AUTS2: variants seen among roughly 807,000 people sequenced by gnomAD.
AUTS2 encodes the protein activator of transcription and developmental regulator AUTS2, also known as autism susceptibility gene 2 protein.
Under a neutral mutation model 112.4 loss-of-function variants are expected in AUTS2, and 17 were observed. That is an observed-to-expected ratio of 0.15 (90% CI 0.10 to 0.23). The LOEUF (loss-of-function observed/expected upper bound fraction) is 0.23. Among genes scored for constraint, AUTS2 ranks in the 10% least tolerant of loss-of-function variants. The pLI is 1.00. For missense variants in AUTS2, 1,510 were observed against 1,701.6 expected (o/e 0.89, Z 1.98); for synonymous variants, 751 against 702.7 (o/e 1.07, Z -1.09).
intron 2 of AUTS2, among the ~76,000 whole-genome samples, chr7:69,990,957 T>C (rs1177139836): frequency 6.6e-6 from 1 of 152,206 alleles, no homozygotes; most frequent in African/African-American, 2.4e-5. Context: ...GCTGAGAGAA[T>C]AGATCTAATC....
intron 15 of AUTS2, 120 bp downstream of exon 15, chr7:70,781,876 C>A: frequency 7.5e-7 from 1 of 1,341,016 alleles, no homozygotes; most frequent in Non-Finnish European, 1.0e-6. Flanking sequence ...ACAGTTAATG[C>A]CAGCTTGCAA....
intron 5 of AUTS2, among the ~76,000 whole-genome samples, chr7:70,510,569 C>T (rs1799141580): frequency 6.6e-6 from 1 of 152,310 alleles, no homozygotes; most frequent in South Asian, 2.1e-4. Flanking sequence ...TTGCCTTTCT[C>T]ACTTACTATC....
At chr7:70,495,778 T>C (rs905428974) in intron 5 of AUTS2, among the ~76,000 whole-genome samples, 1 of 16,024 alleles carries the variant, frequency 6.2e-5, no homozygotes. Flanking sequence ...ACGTACACAG[T>C]CACACACACA....
chr7:70,537,235 C>G (rs1182528413), intron 5 of AUTS2, among the ~76,000 whole-genome samples: 1 of 152,204 alleles, frequency 6.6e-6, no homozygotes, highest in Non-Finnish European at 1.5e-5. Flanking sequence ...CTCCATAAAT[C>G]TGGTGTAAAA....
intron 4 of AUTS2, among the ~76,000 whole-genome samples, chr7:70,186,759 G>A (rs1432541819): frequency 6.6e-6 from 1 of 152,068 alleles, no homozygotes; most frequent in Non-Finnish European, 1.5e-5. Flanking sequence ...TAGTAGAGAT[G>A]AGGTTTCACC....
chr7:70,785,333 GC>G (rs1264423677), intron 16 of AUTS2: 1 of 578,052 alleles, frequency 1.7e-6, no homozygotes, highest in Non-Finnish European at 3.3e-6. Flanking sequence ...GCCTGTTCCT[GC>G]CCATTGGAAG....
At chr7:70,354,517 A>C (rs1426361725) in intron 4 of AUTS2, among the ~76,000 whole-genome samples, 2 of 152,188 alleles carry the variant, frequency 1.3e-5, no homozygotes, top group Non-Finnish European at 2.9e-5. Context: ...GTAAAGTCTT[A>C]TTATTATTCC....
chr7:70,110,535 C>A lies in AUTS2; in HGVS notation c.523-7597C>A, dbSNP rs1298546766. On this transcript the variant is annotated intron_variant, in intron 2 of 18. Transcript: ENST00000342771. ...CCATCTCAAAAAATAAATAAATAAA[C>A]AAATAAATAAATAAATTATTAACTT... is the stretch of plus-strand genomic sequence containing the variant. 3.3e-5 allele frequency among the ~76,000 whole-genome samples: 5 copies of A among 152,074 alleles called. No homozygotes were observed. The East Asian group carries it at 5.8e-4, about 18-fold the overall frequency.
chr7:69,761,957 C>A (rs2129287079), intron 1 of AUTS2, among the ~76,000 whole-genome samples: 1 of 152,200 alleles, frequency 6.6e-6, no homozygotes, highest in South Asian at 2.1e-4. Flanking sequence ...TTATTGGGTA[C>A]CTACTATATG....
intron 6 of AUTS2, among the ~76,000 whole-genome samples, chr7:70,759,010 T>G (rs1332491895): frequency 1.3e-5 from 2 of 152,226 alleles, no homozygotes; most frequent in Non-Finnish European, 2.9e-5. Flanking sequence ...GTTTATAGGT[T>G]GCAGTACCAG....
At chr7:69,620,795 C>T (rs1480685305) in intron 1 of AUTS2, among the ~76,000 whole-genome samples, 1 of 151,982 alleles carries the variant, frequency 6.6e-6, no homozygotes, top group Non-Finnish European at 1.5e-5. Context: ...ACATTTTTAC[C>T]AGTTTATGTT....
At chr7:69,631,610 A>C (rs1794248370) in intron 1 of AUTS2, among the ~76,000 whole-genome samples, 1 of 152,136 alleles carries the variant, frequency 6.6e-6, no homozygotes, top group African/African-American at 2.4e-5. Context: ...TATGGATAAC[A>C]ATTTTCACCC....
At chr7:70,242,118 A>G (rs1046838800) in intron 4 of AUTS2, among the ~76,000 whole-genome samples, 7 of 152,198 alleles carry the variant, frequency 4.6e-5, no homozygotes, top group Non-Finnish European at 8.8e-5. Flanking sequence ...CAGTGGCAAC[A>G]TAGTTAGTAT....
intron 1 of AUTS2, among the ~76,000 whole-genome samples, chr7:69,663,556 G>A (rs1795898896): frequency 6.6e-6 from 1 of 152,156 alleles, no homozygotes; most frequent in South Asian, 2.1e-4. Context: ...TTTGAATTGG[G>A]AGCTGAGATG....
intron 1 of AUTS2, among the ~76,000 whole-genome samples, chr7:69,615,674 T>G (rs1274631641): frequency 6.6e-6 from 1 of 152,184 alleles, no homozygotes; most frequent in African/African-American, 2.4e-5. Context: ...TTTTGTTTAG[T>G]ATGGTGTACC....
At chr7:70,344,720 C>T (rs1449958815) in intron 4 of AUTS2, among the ~76,000 whole-genome samples, 2 of 152,068 alleles carry the variant, frequency 1.3e-5, no homozygotes, top group African/African-American at 4.8e-5. Flanking sequence ...AGTATGTCTC[C>T]CCCACCCCAT....
intron 1 of AUTS2, among the ~76,000 whole-genome samples, chr7:69,775,030 A>C (rs1245556950): frequency 1.3e-5 from 2 of 152,250 alleles, no homozygotes; most frequent in Non-Finnish European, 2.9e-5. Context: ...AGAAATCATT[A>C]AGTGTGTTAT....
rs1014525052 is a variant in AUTS2 at position 69,599,563 on chromosome 7, G to C, written c.-91G>C. On this transcript the variant is annotated 5_prime_UTR_variant, in exon 1 of 19. Transcript: ENST00000342771. This position sits in a 1 kb window ranked among gnomAD's most constrained non-coding sequence, Gnocchi z 7.0. ...CTCGGGGCGGAGGGAAGCCGTGAAGGGGGAGGGAGGGCTCGGTGTCAATTT... is the reference window on the plus strand; with the variant it reads ...CTCGGGGCGGAGGGAAGCCGTGAAGCGGGAGGGAGGGCTCGGTGTCAATTT... 1.5e-5 allele frequency: 18 copies of C among 1,171,810 alleles called. No homozygotes were observed. The highest frequency in any genetic ancestry group is 1.8e-5 in the Non-Finnish European group (17 of 936,388). The allele number at this position is 1,171,810 out of a possible 1,614,324, so 72.6% of individuals were successfully genotyped here. A position where few individuals can be genotyped will look rare whatever the true frequency, so the allele number is the denominator to read the frequency against.
chr7:69,996,368 T>C (rs949252202), intron 2 of AUTS2, among the ~76,000 whole-genome samples: 12 of 152,212 alleles, frequency 7.9e-5, no homozygotes, highest in Admixed American at 2.6e-4. Context: ...AGCCTGGTTG[T>C]GTTCTGCGTG....
Sources: gnomAD v4.1 joint callset for allele counts (sites outside exome capture counted in the v4.1 genomes callset) on GRCh38, gnomAD v4.1.1 for gene constraint, Gnocchi (gnomAD v3.1) non-coding constraint, MANE v1.5 for transcripts, NCBI Gene and HGNC (gene_info 2026-07-23, HGNC 2026-07-21) for gene names.